The following CACNG3 variants were observed in gnomAD, a reference collection of about 807,000 sequenced individuals.
CACNG3 encodes voltage-dependent calcium channel gamma-3 subunit.
Under a neutral mutation model 28.5 loss-of-function variants are expected in CACNG3, and 3 were observed. The observed-to-expected ratio is 0.11, with a 90% CI of 0.05 to 0.27. The LOEUF is 0.27. Among genes scored for constraint, CACNG3 ranks in the 10% least tolerant of loss-of-function variants. The pLI is 1.00. For synonymous variants in CACNG3, 174 were observed against 162.2 expected (o/e 1.07, Z -0.55); for missense variants, 236 against 414.4 (o/e 0.57, Z 3.74).
At chr16:24,261,684 A>G (rs945714042) in intron 1 of CACNG3, among the ~76,000 whole-genome samples, 5 of 152,188 alleles carry the variant, frequency 3.3e-5, no homozygotes, top group African/African-American at 1.2e-4. Flanking sequence ...AAGAAAGCCC[A>G]CTTATTTAGG....
intron 1 of CACNG3, among the ~76,000 whole-genome samples, chr16:24,281,195 GTTGT>G (rs921030480): frequency 2.0e-5 from 3 of 152,012 alleles, no homozygotes; most frequent in South Asian, 2.1e-4. Flanking sequence ...TTTTGTTGTT[GTTGT>G]TTGTTTGTTT....
chr16:24,315,688 C>A (rs946632561), intron 1 of CACNG3, among the ~76,000 whole-genome samples: 1 of 150,992 alleles, frequency 6.6e-6, no homozygotes, highest in Non-Finnish European at 1.5e-5. Flanking sequence ...AACAGTCTTA[C>A]CCTGTTGCTG....
chr16:24,311,747 T>A (rs1221838675), intron 1 of CACNG3, among the ~76,000 whole-genome samples: 1 of 151,750 alleles, frequency 6.6e-6, no homozygotes, highest in Non-Finnish European at 1.5e-5. Flanking sequence ...TCCCAGCTAT[T>A]TGGGAGGCTG....
At chr16:24,327,496 C>CAT (rs1254269398) in intron 1 of CACNG3, among the ~76,000 whole-genome samples, 108 of 113,740 alleles carry the variant, frequency 9.5e-4, no homozygotes, top group Middle Eastern at 5.2e-3. Flanking sequence ...TGAATATATA[C>CAT]ATATATATAT....
chr16:24,290,697 C>T (rs1898955101), intron 1 of CACNG3, among the ~76,000 whole-genome samples: 1 of 152,136 alleles, frequency 6.6e-6, no homozygotes, highest in African/African-American at 2.4e-5. Flanking sequence ...CCTTGGCCTC[C>T]CAAAGTGCTG....
intron 1 of CACNG3, 39 bp downstream of exon 1, chr16:24,257,004 G>C (rs754185671): frequency 2.4e-6 from 3 of 1,256,708 alleles, no homozygotes; most frequent in Non-Finnish European, 3.5e-6. Context: ...GAATAATCCA[G>C]TTCTGATATT....
At chr16:24,306,661 C>G (rs981869437) in intron 1 of CACNG3, among the ~76,000 whole-genome samples, 1 of 152,194 alleles carries the variant, frequency 6.6e-6, no homozygotes, top group Non-Finnish European at 1.5e-5. Flanking sequence ...CACATACACA[C>G]ACCCTACAGT....
chr16:24,265,635 A>G (rs1049867743), intron 1 of CACNG3, among the ~76,000 whole-genome samples: 3 of 152,218 alleles, frequency 2.0e-5, no homozygotes, highest in African/African-American at 7.2e-5. Context: ...CTGCTTCTGG[A>G]CAGCCCATAG....
At chr16:24,310,879 C>T (rs919317103) in intron 1 of CACNG3, among the ~76,000 whole-genome samples, 1 of 152,140 alleles carries the variant, frequency 6.6e-6, no homozygotes, top group Non-Finnish European at 1.5e-5. Context: ...CTGGGCTCCC[C>T]GCATCCTTCC....
intron 1 of CACNG3, among the ~76,000 whole-genome samples, chr16:24,342,748 C>A (rs545651280): frequency 2.0e-5 from 3 of 152,050 alleles, no homozygotes; most frequent in African/African-American, 7.2e-5. Flanking sequence ...TATTTTCCGA[C>A]GCTGAAATCT....
intron 1 of CACNG3, among the ~76,000 whole-genome samples, chr16:24,288,872 AACACACAC>A (rs143449429): frequency 6.7e-6 from 1 of 148,662 alleles, no homozygotes; most frequent in Non-Finnish European, 1.5e-5. Flanking sequence ...GTGACACATA[AACACACAC>A]ACACACACAC....
At chr16:24,281,270 G>A (rs1304779675) in intron 1 of CACNG3, among the ~76,000 whole-genome samples, 5 of 152,054 alleles carry the variant, frequency 3.3e-5, no homozygotes, top group East Asian at 3.9e-4. Flanking sequence ...ATCTCAGCTC[G>A]CTGTAATCTC....
chr16:24,302,994 G>A lies in CACNG3; in HGVS notation c.212-43740G>A, dbSNP rs145795041. Among the ~76,000 whole-genome samples, 236 of 150,492 alleles carry A rather than the reference G, an allele frequency of 1.6e-3. 1 individual carries two copies. Among genetic ancestry groups the A allele is most frequent in the African/African-American group, 5.6e-3 (230 of 40,936 alleles). On this transcript the variant is annotated intron_variant, in intron 1 of 3. Coordinates refer to ENST00000005284, the MANE Select transcript of CACNG3 (RefSeq NM_006539.4). Reference sequence around the variant, plus strand: ...TTTTAAATAGAGATAAGGTCTTGCCGTGTTGCCCAGGCTGGTTTTGAGCTC... The same window carrying A: ...TTTTAAATAGAGATAAGGTCTTGCCATGTTGCCCAGGCTGGTTTTGAGCTC...
intron 1 of CACNG3, among the ~76,000 whole-genome samples, chr16:24,311,243 G>T: frequency 6.6e-6 from 1 of 152,204 alleles, no homozygotes; most frequent in East Asian, 1.9e-4. Context: ...AAGTGCGGTG[G>T]CTCACGCCTG....
chr16:24,345,933 T>G (rs902670018), intron 1 of CACNG3, among the ~76,000 whole-genome samples: 1 of 151,942 alleles, frequency 6.6e-6, no homozygotes, highest in Admixed American at 6.6e-5. Flanking sequence ...TCTATTTAGG[T>G]TGGTGCAAAA....
chr16:24,335,626 C>G (rs374334504), intron 1 of CACNG3, among the ~76,000 whole-genome samples: 131 of 152,122 alleles, frequency 8.6e-4, no homozygotes, highest in Non-Finnish European at 1.7e-3. Flanking sequence ...GGGATTCAAA[C>G]CCGCTCATTC....
chr16:24,261,385 G>A (rs1402370090), intron 1 of CACNG3, among the ~76,000 whole-genome samples: 1 of 152,144 alleles, frequency 6.6e-6, no homozygotes, highest in East Asian at 1.9e-4. Context: ...TTTTACCTTG[G>A]AGAAATAGAC....
intron 1 of CACNG3, among the ~76,000 whole-genome samples, chr16:24,328,183 G>A (rs1337966874): frequency 6.6e-6 from 1 of 152,026 alleles, no homozygotes; most frequent in Non-Finnish European, 1.5e-5. Flanking sequence ...GTGGTGCTGT[G>A]AGGGCAGATT....
intron 1 of CACNG3, among the ~76,000 whole-genome samples, chr16:24,334,389 A>T (rs944846854): frequency 6.6e-6 from 1 of 152,170 alleles, no homozygotes; most frequent in African/African-American, 2.4e-5. Flanking sequence ...CACTCTGAGC[A>T]CATCATGACT....
Sources: allele counts gnomAD v4.1 joint callset (sites outside exome capture counted in the v4.1 genomes callset), GRCh38; gene constraint gnomAD v4.1.1; transcripts MANE v1.5; gene names NCBI Gene and HGNC (gene_info 2026-07-23, HGNC 2026-07-21).